KCNAB1: variants seen among roughly 807,000 people sequenced by gnomAD.
KCNAB1 encodes potassium voltage-gated channel subfamily A regulatory beta subunit 1.
In KCNAB1, 35 loss-of-function variants were observed where a neutral mutation model predicts 64.6. The observed-to-expected ratio is 0.54, with a 90% CI of 0.41 to 0.72. The LOEUF (loss-of-function observed/expected upper bound fraction) is 0.72. Among genes scored for constraint, KCNAB1 ranks in the 30% least tolerant of loss-of-function variants. The pLI, the probability that KCNAB1 is intolerant of heterozygous loss-of-function variation, is 0.00. For synonymous variants in KCNAB1, 177 were observed against 183.8 expected (o/e 0.96, Z 0.30); for missense variants, 401 against 512.9 (o/e 0.78, Z 2.11).
intron 1 of KCNAB1, among the ~76,000 whole-genome samples, chr3:156,219,731 A>G (rs1263520744): frequency 8.7e-6 from 1 of 115,112 alleles, no homozygotes; most frequent in African/African-American, 3.3e-5. Flanking sequence ...TATTATTATT[A>G]TTATACTTTA....
chr3:156,449,534 G>GCAAA (rs1258513403), intron 2 of KCNAB1, among the ~76,000 whole-genome samples: 32 of 152,300 alleles, frequency 2.1e-4, no homozygotes, highest in Middle Eastern at 3.4e-3. Flanking sequence ...ATAGACTTCA[G>GCAAA]TACCGTTTTT....
intron 1 of KCNAB1, among the ~76,000 whole-genome samples, chr3:156,296,877 T>C (rs188391101): frequency 6.6e-6 from 1 of 152,232 alleles, no homozygotes; most frequent in Non-Finnish European, 1.5e-5. Context: ...AATTTCCATA[T>C]GCCCTTAATT....
At chr3:156,176,070 A>T in intron 1 of KCNAB1, 1 of 770,826 alleles carries the variant, frequency 1.3e-6, no homozygotes, top group Non-Finnish European at 2.4e-6. Flanking sequence ...GGTTCTTTTC[A>T]AAGTTGTGCA....
At chr3:156,224,395 G>C (rs1023549720) in intron 1 of KCNAB1, among the ~76,000 whole-genome samples, 1 of 152,256 alleles carries the variant, frequency 6.6e-6, no homozygotes, top group Non-Finnish European at 1.5e-5. Context: ...CGGGCTGAAG[G>C]GCTCTTCAAG....
chr3:156,338,330 T>TTTTTTTC (rs1723871417), intron 1 of KCNAB1, among the ~76,000 whole-genome samples: 1 of 125,950 alleles, frequency 7.9e-6, no homozygotes, highest in African/African-American at 2.9e-5. Context: ...TTTTTTTTTT[T>TTTTTTTC]ACAGAGTTTA....
intron 1 of KCNAB1, among the ~76,000 whole-genome samples, chr3:156,397,507 T>C (rs1014183693): frequency 2.6e-5 from 4 of 152,250 alleles, no homozygotes; most frequent in African/African-American, 9.6e-5. Flanking sequence ...AATGGAATTA[T>C]TGAAGTTTTC....
chr3:156,197,101 A>C (rs779960872), intron 1 of KCNAB1, among the ~76,000 whole-genome samples: 1 of 152,068 alleles, frequency 6.6e-6, no homozygotes, highest in Non-Finnish European at 1.5e-5. Flanking sequence ...TGATGGATTA[A>C]GTTTATTGAT....
intron 7 of KCNAB1, among the ~76,000 whole-genome samples, chr3:156,470,092 G>T (rs1713769444): frequency 6.6e-6 from 1 of 152,234 alleles, no homozygotes; most frequent in Admixed American, 6.5e-5. Flanking sequence ...AGTATACAAT[G>T]AGCTTGATTT....
At chr3:156,344,508 A>G (rs1724347772) in intron 1 of KCNAB1, among the ~76,000 whole-genome samples, 1 of 152,190 alleles carries the variant, frequency 6.6e-6, no homozygotes, top group Non-Finnish European at 1.5e-5. Flanking sequence ...CAGCTGAGAG[A>G]GGGTGGGAAT....
chr3:156,356,122 A>T (rs1560213919), intron 1 of KCNAB1, among the ~76,000 whole-genome samples: 2 of 150,222 alleles, frequency 1.3e-5, no homozygotes, highest in African/African-American at 4.9e-5. Context: ...ACCCTGTAAA[A>T]AAAAAAAAAA....
chr3:156,410,500 G>C (rs1036339052), intron 1 of KCNAB1, among the ~76,000 whole-genome samples: 12 of 152,086 alleles, frequency 7.9e-5, no homozygotes, highest in African/African-American at 2.7e-4. Context: ...TTTTAAATTT[G>C]CATAGAGTGA....
chr3:156,516,394 T>C (rs1222884771), intron 11 of KCNAB1, 30 bp downstream of exon 11: 1 of 1,496,326 alleles, frequency 6.7e-7, no homozygotes. Context: ...GAAAAAAGCC[T>C]GGGAGTAGGA....
rs188206014 is a variant in KCNAB1 at position 156,508,150 on chromosome 3, A to G, written c.659-6214A>G. Reference sequence around the variant, plus strand: ...AATATTCAAGCTTTTAATTATGCCTAAAAACTTCACTCCTAACCTGTTTCC... The same window carrying G: ...AATATTCAAGCTTTTAATTATGCCTGAAAACTTCACTCCTAACCTGTTTCC... On this transcript the variant is annotated intron_variant, in intron 8 of 13. Transcript: ENST00000490337. This position sits in a 1 kb window ranked among gnomAD's most constrained non-coding sequence, Gnocchi z 4.1. 1.7e-3 allele frequency among the ~76,000 whole-genome samples: 253 copies of G among 152,314 alleles called. 1 individual carries two copies. The highest frequency in any genetic ancestry group is 5.7e-3 in the African/African-American group (237 of 41,562).
chr3:156,228,470 G>A (rs145877556), intron 1 of KCNAB1, among the ~76,000 whole-genome samples: 7 of 152,260 alleles, frequency 4.6e-5, no homozygotes, highest in Middle Eastern at 3.4e-3. Context: ...ATGTGTGGTC[G>A]AAAGCAAGCC....
intron 1 of KCNAB1, among the ~76,000 whole-genome samples, chr3:156,185,093 C>G (rs1015302259): frequency 3.3e-5 from 5 of 152,214 alleles, no homozygotes; most frequent in African/African-American, 1.2e-4. Flanking sequence ...CCCAGGATTC[C>G]TGAAGACTGG....
At chr3:156,344,916 C>T (rs1370458943) in intron 1 of KCNAB1, among the ~76,000 whole-genome samples, 1 of 152,142 alleles carries the variant, frequency 6.6e-6, no homozygotes, top group East Asian at 1.9e-4. Context: ...CCTCTTCCTC[C>T]CAGAGTTCAC....
intron 1 of KCNAB1, among the ~76,000 whole-genome samples, chr3:156,205,463 G>A (rs1499052): frequency 0.74 from 111,825 of 152,118 alleles, 41,391 homozygotes; most frequent in East Asian, 0.9. Context: ...AAATATAAAA[G>A]TGAATTTGCA....
intron 1 of KCNAB1, chr3:156,292,253 G>A: frequency 2.7e-6 from 3 of 1,118,826 alleles, no homozygotes; most frequent in Non-Finnish European, 3.9e-6. Flanking sequence ...ATTCTCAGGT[G>A]GTTCTAAAAT....
At chr3:156,439,096 C>T (rs919764145) in intron 2 of KCNAB1, among the ~76,000 whole-genome samples, 2 of 151,914 alleles carry the variant, frequency 1.3e-5, no homozygotes, top group Non-Finnish European at 2.9e-5. Context: ...CAGCCACTTA[C>T]CAGCAAATAA....
Sources: allele counts gnomAD v4.1 joint callset (sites outside exome capture counted in the v4.1 genomes callset), GRCh38; gene constraint gnomAD v4.1.1; non-coding constraint Gnocchi (gnomAD v3.1); transcripts MANE v1.5; gene names NCBI Gene and HGNC (gene_info 2026-07-23, HGNC 2026-07-21).